Variants in FGF14 observed in about 807,000 individuals in gnomAD.
FGF14 encodes the protein fibroblast growth factor 14.
Under a neutral mutation model 25.5 loss-of-function variants are expected in FGF14, and 5 were observed. The observed-to-expected ratio is 0.20, with a 90% CI of 0.10 to 0.41. The LOEUF (loss-of-function observed/expected upper bound fraction) is 0.41, where lower values mean the gene tolerates loss of function less well. FGF14 is among the 10% of genes least tolerant of loss of function. The pLI, the probability that FGF14 is intolerant of heterozygous loss-of-function variation, is 1.00. For synonymous variants in FGF14, 138 were observed against 118.3 expected (o/e 1.17, Z -1.08); for missense variants, 222 against 320.1 (o/e 0.69, Z 2.34).
intron 1 of FGF14, among the ~76,000 whole-genome samples, chr13:102,321,428 T>C (rs894695889): frequency 5.3e-5 from 8 of 152,276 alleles, no homozygotes; most frequent in Non-Finnish European, 1.0e-4. Flanking sequence ...ACATATAGAA[T>C]ACAATTTTTA....
chr13:101,992,873 G>A (rs1167547250), intron 1 of FGF14, among the ~76,000 whole-genome samples: 9 of 152,026 alleles, frequency 5.9e-5, no homozygotes, highest in East Asian at 5.8e-4. Flanking sequence ...TTTTGGAATA[G>A]CAAAAGGAGA....
Position 101,722,520 on chromosome 13 carries a change from A to G in FGF14, c.*311T>C. On this transcript the variant is annotated 3_prime_UTR_variant, in exon 5 of 5. Coordinates refer to ENST00000376143, the MANE Select transcript of FGF14 (RefSeq NM_004115.4). ...ATGGGTAGCTGTCAGCAGGCAAGGT[A>G]TCGAGTGTACTTGTGAAGTATGTCA... 2.5e-6 allele frequency: 1 copy of G among 406,126 alleles called. No homozygotes were observed. Among genetic ancestry groups the G allele is most frequent in the Non-Finnish European group, 4.7e-6 (1 of 214,588 alleles). 25.2% of individuals were successfully genotyped at this position (406,126 alleles called of 1,614,324 possible). A position where few individuals can be genotyped will look rare whatever the true frequency, so the allele number is the denominator to read the frequency against.
At chr13:101,788,905 TATATAGAGAGAG>T (rs1443127403) in intron 3 of FGF14, among the ~76,000 whole-genome samples, 276 of 32,738 alleles carry the variant, frequency 8.4e-3, no homozygotes, top group Middle Eastern at 0.015. Context: ...TATATATATA[TATATAGAGAGAG>T]AGAGAGAGAG....
At chr13:102,223,022 T>G (rs1352414892) in intron 1 of FGF14, among the ~76,000 whole-genome samples, 1 of 152,326 alleles carries the variant, frequency 6.6e-6, no homozygotes, top group African/African-American at 2.4e-5. Flanking sequence ...CGGGATGCTA[T>G]CTGGGTCAGT....
chr13:102,230,004 T>G (rs1292153440), intron 1 of FGF14, among the ~76,000 whole-genome samples: 1 of 152,172 alleles, frequency 6.6e-6, no homozygotes, highest in African/African-American at 2.4e-5. Flanking sequence ...TTTACATTCC[T>G]CCAAAATTTA....
intron 3 of FGF14, among the ~76,000 whole-genome samples, chr13:101,788,599 G>A (rs1311339820): frequency 4.6e-5 from 7 of 152,018 alleles, no homozygotes; most frequent in Non-Finnish European, 1.5e-5. Flanking sequence ...TTACATGCTT[G>A]CCTTCCTTGC....
chr13:101,953,130 A>G (rs1440787336), intron 1 of FGF14, among the ~76,000 whole-genome samples: 2 of 152,124 alleles, frequency 1.3e-5, no homozygotes, highest in South Asian at 2.1e-4. Context: ...TTACTTTACA[A>G]TCTCAGAAGC....
intron 3 of FGF14, among the ~76,000 whole-genome samples, chr13:101,855,479 T>C (rs1260894028): frequency 6.6e-6 from 1 of 152,024 alleles, no homozygotes. Context: ...ATTTGCCAGA[T>C]ATGAAAAGTT....
At chr13:102,298,740 G>A (rs2054864955) in intron 1 of FGF14, among the ~76,000 whole-genome samples, 1 of 152,154 alleles carries the variant, frequency 6.6e-6, no homozygotes, top group African/African-American at 2.4e-5. Context: ...TAGATGAACA[G>A]TGCAAAGTGC....
chr13:102,068,651 G>T (rs1444049331), intron 1 of FGF14, among the ~76,000 whole-genome samples: 2 of 152,220 alleles, frequency 1.3e-5, no homozygotes, highest in African/African-American at 2.4e-5. Context: ...GGGTCCCCCA[G>T]CAGTGCCAGC....
At position 101,722,008 on chromosome 13, in the gene FGF14, G is replaced by A. The variant is rs2035026076; in HGVS notation, c.*823C>T. ...AGGCAAATGTTACCATTACCAGTAA[G>A]CTTGTGATATGTATAAAACACACAC... is the stretch of plus-strand genomic sequence containing the variant. On this transcript the variant is annotated 3_prime_UTR_variant, in exon 5 of 5. Coordinates refer to ENST00000376143, the MANE Select transcript of FGF14 (RefSeq NM_004115.4). The A allele has an allele frequency of 6.6e-6, 1 of 152,006 alleles. No individual in the cohort carries two copies. Among genetic ancestry groups the A allele is most frequent in the Admixed American group, 6.6e-5 (1 of 15,234 alleles). The allele number at this position is 152,006 out of a possible 1,614,324, so 9.4% of individuals were successfully genotyped here. A position where few individuals can be genotyped will look rare whatever the true frequency, so the allele number is the denominator to read the frequency against.
intron 1 of FGF14, among the ~76,000 whole-genome samples, chr13:101,988,038 G>A (rs1399865030): frequency 6.6e-6 from 1 of 152,078 alleles, no homozygotes; most frequent in Admixed American, 6.6e-5. Context: ...GAAGCCATAT[G>A]TAAATCTCTT....
intron 1 of FGF14, among the ~76,000 whole-genome samples, chr13:102,323,957 A>ATGTGTGTGTGTGTG (rs3066051): frequency 1.5e-5 from 2 of 136,422 alleles, no homozygotes; most frequent in Non-Finnish European, 3.2e-5. Flanking sequence ...AACGTGCAGT[A>ATGTGTGTGTGTGTG]TGTGTGTGTG....
chr13:101,911,289 G>A (rs911771602), intron 1 of FGF14, among the ~76,000 whole-genome samples: 13 of 152,098 alleles, frequency 8.5e-5, no homozygotes, highest in African/African-American at 3.1e-4. Context: ...ATTGATTACG[G>A]TAACTTTGGG....
intron 3 of FGF14, among the ~76,000 whole-genome samples, chr13:101,741,435 A>G (rs965832360): frequency 6.6e-6 from 1 of 152,202 alleles, no homozygotes; most frequent in African/African-American, 2.4e-5. Context: ...TGTTATTTCC[A>G]TAGGAAACCA....
intron 1 of FGF14, among the ~76,000 whole-genome samples, chr13:102,389,875 C>T (rs1056393225): frequency 3.3e-5 from 5 of 152,206 alleles, no homozygotes; most frequent in African/African-American, 7.2e-5. Flanking sequence ...TCCCCTGTCT[C>T]TGACCCAGGA....
At chr13:101,935,822 T>C (rs1411122710) in intron 1 of FGF14, among the ~76,000 whole-genome samples, 3 of 152,220 alleles carry the variant, frequency 2.0e-5, no homozygotes, top group Admixed American at 1.3e-4. Context: ...AATGTCTCTT[T>C]TCTCCACAGA....
chr13:102,048,714 T>C (rs1024964801), intron 1 of FGF14, among the ~76,000 whole-genome samples: 2 of 152,176 alleles, frequency 1.3e-5, no homozygotes, highest in African/African-American at 4.8e-5. Flanking sequence ...GGGAAGACAT[T>C]CCCAGGGGAA....
intron 1 of FGF14, chr13:102,292,649 A>G (rs2054485593): frequency 6.6e-6 from 1 of 152,232 alleles, no homozygotes; most frequent in Non-Finnish European, 1.5e-5. Flanking sequence ...AACAAAAGAA[A>G]CCACCTCACC....
Sources: gnomAD v4.1 joint callset for allele counts (sites outside exome capture counted in the v4.1 genomes callset) on GRCh38, gnomAD v4.1.1 for gene constraint, MANE v1.5 for transcripts, NCBI Gene and HGNC (gene_info 2026-07-23, HGNC 2026-07-21) for gene names.